Variants in MAP4K4 observed in about 807,000 individuals in gnomAD.
MAP4K4 encodes mitogen-activated protein kinase kinase kinase kinase 4.
In MAP4K4, 38 loss-of-function variants were observed where a neutral mutation model predicts 189.6. That is an observed-to-expected ratio of 0.20 (90% CI 0.15 to 0.26). The LOEUF (loss-of-function observed/expected upper bound fraction) is 0.26. Among genes scored for constraint, MAP4K4 ranks in the 10% least tolerant of loss-of-function variants. The pLI is 1.00. For missense variants in MAP4K4, 1,054 were observed against 1,726.9 expected (o/e 0.61, Z 6.91); for synonymous variants, 610 against 624.3 (o/e 0.98, Z 0.34).
At chr2:101,711,235 A>G (rs1419565087) in intron 2 of MAP4K4, among the ~76,000 whole-genome samples, 1 of 152,200 alleles carries the variant, frequency 6.6e-6, no homozygotes, top group Admixed American at 6.5e-5. Flanking sequence ...CAGGTTTGTG[A>G]TATTCACATA....
rs1328393893 is a variant in MAP4K4, at chr2:101,755,849, A to AG, written c.124-34869dup. ...TTTTCTTTCACTAGGTGACGTTAGT[A>AG]GGTGCACATCTGTCTATAGTAGCTG... On this transcript the variant is annotated intron_variant, in intron 2 of 32. Coordinates refer to ENST00000324219, the Ensembl canonical transcript of MAP4K4. Among the ~76,000 whole-genome samples the AG allele has an allele frequency of 1.7e-4, 25 of 147,016 alleles. No homozygotes were observed. The East Asian group carries it at 5.4e-3, about 32-fold the overall frequency.
exon 33 of MAP4K4, chr2:101,892,539 G>C: frequency 4.3e-6 from 1 of 234,688 alleles, no homozygotes; most frequent in Non-Finnish European, 8.6e-6. Flanking sequence ...CATTAGAATA[G>C]TCACACAAAC....
intron 16 of MAP4K4, among the ~76,000 whole-genome samples, chr2:101,862,845 A>G (rs953723837): frequency 1.3e-5 from 2 of 152,266 alleles, no homozygotes; most frequent in African/African-American, 2.4e-5. Context: ...GAAATCATAC[A>G]ATAGAACTAA....
At chr2:101,742,479 C>G (rs2063292417) in intron 2 of MAP4K4, among the ~76,000 whole-genome samples, 1 of 152,170 alleles carries the variant, frequency 6.6e-6, no homozygotes, top group African/African-American at 2.4e-5. Context: ...CTCTCAGCCT[C>G]TTTTTGCCTG....
intron 3 of MAP4K4, among the ~76,000 whole-genome samples, chr2:101,795,851 CAA>C (rs2093629277): frequency 6.6e-6 from 1 of 152,016 alleles, no homozygotes; most frequent in South Asian, 2.1e-4. Flanking sequence ...CCTGATAAAA[CAA>C]CACATTTTTA....
intron 23 of MAP4K4, 24 bp from the exon 24 acceptor site, chr2:101,871,470 C>T: frequency 6.6e-7 from 1 of 1,517,466 alleles, no homozygotes; most frequent in South Asian, 1.2e-5. Flanking sequence ...TTGAGCGAGA[C>T]AAGTGTGCCT....
At chr2:101,785,410 G>A (rs560023770) in intron 2 of MAP4K4, among the ~76,000 whole-genome samples, 2 of 152,226 alleles carry the variant, frequency 1.3e-5, no homozygotes, top group East Asian at 3.9e-4. Context: ...AGAGTGGTTG[G>A]TATTAGACCA....
In MAP4K4 at chr2:101,698,149, C is replaced by CGCGAGCGG; in HGVS notation, c.57+16_57+23dup. The CGCGAGCGG allele has an allele frequency of 8.3e-7, 1 of 1,201,216 alleles. No individual in the cohort carries two copies. The highest frequency in any genetic ancestry group is 1.1e-6 in the Non-Finnish European group (1 of 932,944). 74.4% of individuals were successfully genotyped at this position (1,201,216 alleles called of 1,614,324 possible). On this transcript the variant is annotated intron_variant, in intron 1 of 32. Coordinates refer to ENST00000324219, the Ensembl canonical transcript of MAP4K4. The stretch of plus-strand genomic sequence containing the variant: ...TCTCCTCCCTGCGGGTGAGTGGGCC[C>CGCGAGCGG]GCGAGCGGGCGCGCGGGGAGCGGGC...
At chr2:101,812,646 A>C (rs2095501261) in intron 3 of MAP4K4, among the ~76,000 whole-genome samples, 1 of 152,138 alleles carries the variant, frequency 6.6e-6, no homozygotes, top group Non-Finnish European at 1.5e-5. Context: ...GACTTAGAGT[A>C]TCTTTCTGGT....
chr2:101,800,493 T>C (rs2094262199), intron 3 of MAP4K4, among the ~76,000 whole-genome samples: 2 of 152,260 alleles, frequency 1.3e-5, no homozygotes, highest in Admixed American at 1.3e-4. Flanking sequence ...ACAGCCTTTA[T>C]ATTAATATTT....
At chr2:101,717,213 G>T (rs969605920) in intron 2 of MAP4K4, among the ~76,000 whole-genome samples, 7 of 152,216 alleles carry the variant, frequency 4.6e-5, no homozygotes, top group Non-Finnish European at 1.0e-4. Flanking sequence ...CAGGAAATGA[G>T]AGTAGGGCTT....
intron 6 of MAP4K4, among the ~76,000 whole-genome samples, chr2:101,830,283 T>C (rs2096556339): frequency 6.6e-6 from 1 of 152,198 alleles, no homozygotes; most frequent in Admixed American, 6.5e-5. Flanking sequence ...GCATCTAGCA[T>C]TGTGACTTCA....
intron 20 of MAP4K4, 111 bp downstream of exon 20, chr2:101,867,420 A>G (rs1577064352): frequency 2.7e-6 from 2 of 746,788 alleles, no homozygotes; most frequent in African/African-American, 3.5e-5. Flanking sequence ...CCCCTCACAG[A>G]TTTGAGGAAT....
At chr2:101,834,923 T>C (rs1292081035) in intron 8 of MAP4K4, among the ~76,000 whole-genome samples, 1 of 152,188 alleles carries the variant, frequency 6.6e-6, no homozygotes, top group Non-Finnish European at 1.5e-5. Context: ...ATTGGATTAA[T>C]GAGAACTTCA....
rs766581931 is a variant in MAP4K4 at position 101,860,997 on chromosome 2, C to T, written c.1866+11C>T. On this transcript the variant is annotated intron_variant, in intron 16 of 32. Transcript: ENST00000324219. Reference sequence around the variant, plus strand: ...CCAGCGGAGCCACAGGTAGCGACAGCCAGCTTTGCTGTGGTTGAGGAGACT... The same window carrying T: ...CCAGCGGAGCCACAGGTAGCGACAGTCAGCTTTGCTGTGGTTGAGGAGACT... The T allele has an allele frequency of 2.5e-6, 4 of 1,583,708 alleles. No homozygotes were observed. Among genetic ancestry groups the T allele is most frequent in the African/African-American group, 2.7e-5 (2 of 74,426 alleles).
intron 27 of MAP4K4, among the ~76,000 whole-genome samples, chr2:101,880,534 A>T (rs1200998545): frequency 6.8e-6 from 1 of 147,202 alleles, no homozygotes. Flanking sequence ...TTTGACACGG[A>T]GTCTCAATCT....
intron 2 of MAP4K4, among the ~76,000 whole-genome samples, chr2:101,708,991 A>G (rs2043949056): frequency 6.6e-6 from 1 of 152,172 alleles, no homozygotes; most frequent in Non-Finnish European, 1.5e-5. Flanking sequence ...ATTGATAGGC[A>G]TGATGTTGAT....
At chr2:101,844,105 A>G (rs1181145167) in exon 12 of MAP4K4, 1 of 1,610,522 alleles carries the variant, frequency 6.2e-7, no homozygotes, top group African/African-American at 1.3e-5. Flanking sequence ...CAACAGTTCC[A>G]TTGTGAACGT....
chr2:101,860,787 A>T, intron 15 of MAP4K4, 38 bp from the exon 16 acceptor site: 1 of 1,537,122 alleles, frequency 6.5e-7, no homozygotes, highest in Non-Finnish European at 8.8e-7. Context: ...CTTTTCCCCT[A>T]CTAACACTGA....
Sources: gnomAD v4.1 joint callset for allele counts (sites outside exome capture counted in the v4.1 genomes callset) on GRCh38, gnomAD v4.1.1 for gene constraint, MANE v1.5 for transcripts, NCBI Gene and HGNC (gene_info 2026-07-23, HGNC 2026-07-21) for gene names.